SAE1: variants seen among roughly 807,000 people sequenced by gnomAD.
SAE1 encodes the protein SUMO1 activating enzyme subunit 1.
SAE1 carries 11 observed loss-of-function variants against 40.6 expected under a neutral mutation model. That is an observed-to-expected ratio of 0.27 (90% CI 0.17 to 0.45). The LOEUF (loss-of-function observed/expected upper bound fraction) is 0.45. Among genes scored for constraint, SAE1 ranks in the 20% least tolerant of loss-of-function variants. The probability of loss-of-function intolerance (pLI) is 1.00; values close to 1 mark genes in which losing one functional copy is unlikely to be tolerated. For synonymous variants in SAE1, 155 were observed against 154.3 expected (o/e 1.00, Z -0.03); for missense variants, 373 against 427.3 (o/e 0.87, Z 1.12).
At chr19:47,198,816 T>G (rs1174358179) in intron 7 of SAE1, among the ~76,000 whole-genome samples, 1 of 152,220 alleles carries the variant, frequency 6.6e-6, no homozygotes, top group Non-Finnish European at 1.5e-5. Context: ...CCTGGTACAG[T>G]GGCTCACACC....
At chr19:47,164,580 T>C (rs1403896295) in intron 5 of SAE1, among the ~76,000 whole-genome samples, 1 of 151,578 alleles carries the variant, frequency 6.6e-6, no homozygotes, top group Non-Finnish European at 1.5e-5. Flanking sequence ...AGTTTCCTAC[T>C]ATGCTAAATG....
intron 2 of SAE1, among the ~76,000 whole-genome samples, chr19:47,148,520 A>G (rs1401492207): frequency 6.6e-6 from 1 of 151,864 alleles, no homozygotes; most frequent in Non-Finnish European, 1.5e-5. Context: ...GGATTATATT[A>G]TCCTGTCTTT....
chr19:47,191,684 C>A (rs2058578735), intron 6 of SAE1, among the ~76,000 whole-genome samples: 1 of 152,126 alleles, frequency 6.6e-6, no homozygotes, highest in South Asian at 2.1e-4. Context: ...CCAACTGTCA[C>A]AAGGGACCAA....
At chr19:47,135,341 T>G (rs2058172098) in intron 1 of SAE1, among the ~76,000 whole-genome samples, 1 of 152,116 alleles carries the variant, frequency 6.6e-6, no homozygotes, top group Admixed American at 6.6e-5. Flanking sequence ...CTACCCTTCC[T>G]AGCCTCTGGT....
At chr19:47,190,274 A>G (rs1457201241) in intron 6 of SAE1, among the ~76,000 whole-genome samples, 3 of 152,164 alleles carry the variant, frequency 2.0e-5, no homozygotes, top group Non-Finnish European at 2.9e-5. Flanking sequence ...ACAGTGTTTG[A>G]TCTTAACGGA....
At chr19:47,177,360 T>G (rs1420824230) in intron 6 of SAE1, among the ~76,000 whole-genome samples, 1 of 152,166 alleles carries the variant, frequency 6.6e-6, no homozygotes, top group Non-Finnish European at 1.5e-5. Flanking sequence ...GGTTTTTGTT[T>G]GTTTTTTTTC....
At chr19:47,193,644 A>T (rs2058593793) in intron 6 of SAE1, among the ~76,000 whole-genome samples, 1 of 151,202 alleles carries the variant, frequency 6.6e-6, no homozygotes, top group African/African-American at 2.4e-5. Flanking sequence ...TTCTATTTTT[A>T]GTGAAACCCC....
chr19:47,191,457 C>A (rs957049354), intron 6 of SAE1, among the ~76,000 whole-genome samples: 17 of 152,324 alleles, frequency 1.1e-4, no homozygotes, highest in African/African-American at 3.8e-4. Context: ...CCTGAGAGAA[C>A]AGGGCAACAA....
At chr19:47,172,642 A>G (rs1293585003) in intron 6 of SAE1, among the ~76,000 whole-genome samples, 1 of 151,958 alleles carries the variant, frequency 6.6e-6, no homozygotes, top group Non-Finnish European at 1.5e-5. Context: ...CAAAAGTTGC[A>G]GAATCCGAGA....
rs972929880 is a variant in SAE1 at position 47,176,635 on chromosome 19, T to C, written c.733+6712T>C. Among the ~76,000 whole-genome samples, 5 of 152,198 alleles carry C rather than the reference T, an allele frequency of 3.3e-5. No homozygotes were observed. In the East Asian group the frequency reaches 7.7e-4, roughly 23 times the overall value. ...TTTTGATTCCAATGTTGCCCTGGGC[T>C]CTCACTCACAGGTAGATGTTTTTTA... On this transcript the variant is annotated intron_variant, in intron 6 of 8. Coordinates refer to ENST00000270225, the MANE Select transcript of SAE1 (RefSeq NM_005500.3).
chr19:47,131,036 C>A lies in SAE1; in HGVS notation c.98+8C>A. The A allele has an allele frequency of 6.5e-7, 1 of 1,528,184 alleles. No homozygotes were observed. Among genetic ancestry groups the A allele is most frequent in the Admixed American group, 2.2e-5 (1 of 44,986 alleles). 94.7% of individuals were successfully genotyped at this position (1,528,184 alleles called of 1,614,324 possible). A position where few individuals can be genotyped will look rare whatever the true frequency, so the allele number is the denominator to read the frequency against. ...ACTGGAGGCCCAGAAACGGTCAGGG[C>A]CGGCGCGGCTTGAGGCCGCTAGGGT... On this transcript the variant is annotated splice_region_variant and intron_variant, in intron 1 of 8. Transcript: ENST00000270225.
Position 47,143,574 on chromosome 19 carries a change from T to C in SAE1, c.179T>C (p.Val60Ala). 6.2e-7 allele frequency: 1 copy of C among 1,613,632 alleles called. No homozygotes were observed. Among genetic ancestry groups the C allele is most frequent in the South Asian group, 1.1e-5 (1 of 91,060 alleles). ...GCCAAGAATCTCATCTTGGCAGGAG[T>C]GAAAGGACTGACCATGCTGGATCAC... The part of the protein sequence containing the change: ...EIAKNLILAG[V>A]KGLTMLDHEQ... The change falls in exon 2 of 9, where the codon GTG (valine) becomes GCG (alanine). Residue 60 changes from valine to alanine, a missense_variant. This residue lies in a region of SAE1 where 351 missense variants were observed against 390.6 expected (regional missense o/e 0.90). Coordinates refer to ENST00000270225, the MANE Select transcript of SAE1 (RefSeq NM_005500.3).
chr19:47,181,348 C>A (rs1470736061), intron 6 of SAE1, among the ~76,000 whole-genome samples: 2 of 151,302 alleles, frequency 1.3e-5, no homozygotes, highest in African/African-American at 2.4e-5. Flanking sequence ...AAATAAAAAA[C>A]AAATAAAAAG....
At chr19:47,185,383 C>T (rs1041877231) in intron 6 of SAE1, among the ~76,000 whole-genome samples, 2 of 151,750 alleles carry the variant, frequency 1.3e-5, no homozygotes, top group Admixed American at 6.6e-5. Flanking sequence ...CGGCTCACTG[C>T]GACCTCCACC....
At chr19:47,152,092 CAA>C (rs2058291837) in intron 3 of SAE1, among the ~76,000 whole-genome samples, 3 of 152,336 alleles carry the variant, frequency 2.0e-5, no homozygotes, top group Admixed American at 1.3e-4. Context: ...TAGACAACAG[CAA>C]AGAGGGTCTA....
chr19:47,203,398 A>G (rs1246740458), intron 7 of SAE1, among the ~76,000 whole-genome samples: 1 of 152,218 alleles, frequency 6.6e-6, no homozygotes, highest in Non-Finnish European at 1.5e-5. Flanking sequence ...AAGCACAGAT[A>G]TAGTCTTTCC....
At position 47,197,315 on chromosome 19, in the gene SAE1, A is replaced by G. The variant is rs201475653; in HGVS notation, c.816A>G (p.Ile272Met). 4.1e-4 allele frequency: 664 copies of G among 1,614,126 alleles called. 6 individuals carry two copies. In the South Asian group the frequency reaches 4.6e-3, roughly 11 times the overall value. The change falls in exon 7 of 9, where the codon ATA becomes ATG. Residue 272 changes from isoleucine (I) to methionine (M), a missense_variant. Ile to Met is a conservative substitution (Grantham distance 10). Transcript: ENST00000270225. ...AAGATTCTGAGTTGTTGCTCCAGAT[A>G]CGAAATGATGTGCTTGACTCACTGG... ...YEEDSELLLQ[I>M]RNDVLDSLGI...
At chr19:47,133,766 C>T (rs933492603) in intron 1 of SAE1, among the ~76,000 whole-genome samples, 3 of 151,960 alleles carry the variant, frequency 2.0e-5, no homozygotes, top group South Asian at 2.1e-4. Flanking sequence ...CTACCTGGAA[C>T]GATGGAATTG....
In SAE1 at chr19:47,130,849, GC is replaced by G; in HGVS notation, c.-80del. ...TGCGCAGAAGCACTCCGGGCGTGCT[GC>G]CGGCGGCGGTAGGTGGCGCGCGGGT... is the stretch of plus-strand genomic sequence containing the variant. On this transcript the variant is annotated 5_prime_UTR_variant, in exon 1 of 9. Coordinates refer to ENST00000270225, the MANE Select transcript of SAE1 (RefSeq NM_005500.3). 1 of 1,541,500 alleles carries G rather than the reference GC, an allele frequency of 6.5e-7. No homozygotes were observed. The highest frequency in any genetic ancestry group is 2.5e-5 in the East Asian group (1 of 40,618).
Sources: gnomAD v4.1 joint callset for allele counts (sites outside exome capture counted in the v4.1 genomes callset) on GRCh38, gnomAD v4.1.1 for gene constraint, gnomAD v4.1.1 regional missense constraint, MANE v1.5 for transcripts, NCBI Gene and HGNC (gene_info 2026-07-23, HGNC 2026-07-21) for gene names.